SETD2: variants seen among roughly 807,000 people sequenced by gnomAD.
SETD2 encodes the protein SET domain containing 2, histone lysine methyltransferase, also known as histone-lysine N-methyltransferase SETD2.
A neutral mutation model predicts 242.1 loss-of-function variants in SETD2; 31 were observed. The ratio of observed to expected loss-of-function variants is 0.13; its 90% CI spans 0.10 to 0.17. SETD2 has a LOEUF of 0.17. SETD2 is among the 10% of genes least tolerant of loss of function. The pLI, the probability that SETD2 is intolerant of heterozygous loss-of-function variation, is 1.00. For missense variants in SETD2, 2,481 were observed against 3,046.3 expected (o/e 0.81, Z 4.37); for synonymous variants, 1,006 against 1,066.5 (o/e 0.94, Z 1.11).
chr3:47,024,088 C>A (rs530849905), intron 18 of SETD2, among the ~76,000 whole-genome samples: 1 of 152,270 alleles, frequency 6.6e-6, no homozygotes, highest in African/African-American at 2.4e-5. Context: ...GCCTATAATC[C>A]CAGCACTTTG....
intron 13 of SETD2, 113 bp from the exon 14 acceptor site, chr3:47,062,459 T>C: frequency 4.2e-6 from 4 of 963,772 alleles, no homozygotes; most frequent in South Asian, 1.7e-5. Flanking sequence ...CCAACAAATG[T>C]ATCTATGGAC....
intron 1 of SETD2, among the ~76,000 whole-genome samples, chr3:47,153,210 CAAAGT>C (rs1325172238): frequency 6.6e-6 from 1 of 151,426 alleles, no homozygotes; most frequent in South Asian, 2.1e-4. Context: ...CCAAATTAAA[CAAAGT>C]AAATTTACAC....
intron 7 of SETD2, among the ~76,000 whole-genome samples, chr3:47,102,669 G>A (rs1442662368): frequency 6.6e-5 from 10 of 150,416 alleles, no homozygotes; most frequent in Admixed American, 4.7e-4. Context: ...TGGCACGCAC[G>A]TGTAATCCCA....
rs575862721 is a variant in SETD2 at position 47,122,803 on chromosome 3, C to A, written c.1833G>T (p.Lys611Asn). 7.2e-5 allele frequency: 116 copies of A among 1,613,124 alleles called. No individual in the cohort carries two copies. The highest frequency in any genetic ancestry group is 9.2e-5 in the Non-Finnish European group (109 of 1,179,780). ...GATTTGATGGAGCTGGAGACCCAGC[C>A]TTTTCTCTTTCAGGATTTTTATTAA... ...RMINKNPEREKAGSPAPSNRL... is the reference protein window; with the variant it reads ...RMINKNPERENAGSPAPSNRL... The change falls in exon 3 of 21, where the codon AAG (lysine) becomes AAT (asparagine). Residue 611 changes from lysine to asparagine, a missense_variant. Lys to Asn is a moderately conservative substitution (Grantham distance 94). Around this residue, in one of 17 missense-constraint regions of SETD2, gnomAD observed 1,300 missense variants for 1,259.2 expected, o/e 1.03. Transcript: ENST00000409792.
chr3:47,071,796 C>G (rs1485404851), intron 12 of SETD2, among the ~76,000 whole-genome samples: 1 of 152,070 alleles, frequency 6.6e-6, no homozygotes, highest in East Asian at 1.9e-4. Context: ...ACTACCAGGT[C>G]ACATGGCTTA....
At chr3:47,111,543 G>A (rs965561309) in intron 5 of SETD2, among the ~76,000 whole-genome samples, 3 of 152,002 alleles carry the variant, frequency 2.0e-5, no homozygotes, top group Admixed American at 6.6e-5. Flanking sequence ...ATACTCCAGC[G>A]AGGGTGACAG....
intron 1 of SETD2, among the ~76,000 whole-genome samples, chr3:47,159,412 G>A (rs1697413134): frequency 6.6e-6 from 1 of 152,050 alleles, no homozygotes; most frequent in Non-Finnish European, 1.5e-5. Flanking sequence ...CAGAAACCCT[G>A]GAATCATCCT....
intron 15 of SETD2, among the ~76,000 whole-genome samples, chr3:47,054,787 T>C (rs1575696443): frequency 6.6e-6 from 1 of 152,310 alleles, no homozygotes; most frequent in African/African-American, 2.4e-5. Flanking sequence ...AAATAACTTT[T>C]CATTTAAATG....
rs577830478 is a variant in SETD2 at position 47,067,543 on chromosome 3, T to C, written c.6061-425A>G. 5.3e-5 allele frequency among the ~76,000 whole-genome samples: 8 copies of C among 151,242 alleles called. No homozygotes were observed. The Admixed American group carries it at 5.3e-4, about 10-fold the overall frequency. On this transcript the variant is annotated intron_variant, in intron 12 of 20. Transcript: ENST00000409792. Reference sequence around the variant, plus strand: ...AATCCTTCTGCCCCAGCCTCCCAAGTAGCTGGGACCACAGGTGGATGCCAC... The same window carrying C: ...AATCCTTCTGCCCCAGCCTCCCAAGCAGCTGGGACCACAGGTGGATGCCAC...
chr3:47,037,460 CT>C (rs1352017727), intron 18 of SETD2, among the ~76,000 whole-genome samples: 1 of 151,894 alleles, frequency 6.6e-6, no homozygotes, highest in Non-Finnish European at 1.5e-5. Flanking sequence ...AGGACATGAA[CT>C]CATCATTTTT....
At chr3:47,074,093 A>T (rs2040946508) in intron 12 of SETD2, among the ~76,000 whole-genome samples, 1 of 152,256 alleles carries the variant, frequency 6.6e-6, no homozygotes, top group Non-Finnish European at 1.5e-5. Flanking sequence ...TATGAGAATG[A>T]TTAAATAAAT....
At chr3:47,156,398 A>T (rs1383848323) in intron 1 of SETD2, among the ~76,000 whole-genome samples, 1 of 152,214 alleles carries the variant, frequency 6.6e-6, no homozygotes, top group East Asian at 1.9e-4. Flanking sequence ...TTGTATGTAT[A>T]AAATACGGCT....
intron 16 of SETD2, among the ~76,000 whole-genome samples, chr3:47,044,019 C>T (rs1209588327): frequency 6.6e-6 from 1 of 152,020 alleles, no homozygotes; most frequent in Non-Finnish European, 1.5e-5. Context: ...TTTAAGAATA[C>T]AAATGGAAAC....
At chr3:47,023,308 G>A (rs1380601371) in intron 18 of SETD2, among the ~76,000 whole-genome samples, 2 of 152,272 alleles carry the variant, frequency 1.3e-5, no homozygotes, top group African/African-American at 4.8e-5. Flanking sequence ...GCTGAGGCAG[G>A]AGAACTGCTT....
In SETD2 at chr3:47,122,631, T is replaced by C. The variant is rs2043146380; in HGVS notation, c.2005A>G (p.Ile669Val). 1.2e-6 allele frequency: 2 copies of C among 1,613,772 alleles called. No individual in the cohort carries two copies. Among genetic ancestry groups the C allele is most frequent in the Non-Finnish European group, 1.7e-6 (2 of 1,179,840 alleles). ...KNDQLRSFCP[I>V]ELNINGSPGA... is the part of the protein sequence containing the mutation. ...GGAGATCCATTTATATTTAATTCTA[T>C]GGGACAAAAACTTCTTAATTGATCA... Residue 669 changes from isoleucine to valine, a missense_variant, in exon 3 of 21, where the codon ATA (isoleucine) becomes GTA (valine). Around this residue, in one of 17 missense-constraint regions of SETD2, gnomAD observed 1,300 missense variants for 1,259.2 expected, o/e 1.03. Transcript: ENST00000409792.
At chr3:47,059,003 G>A (rs775148540) in intron 14 of SETD2, among the ~76,000 whole-genome samples, 17 of 151,344 alleles carry the variant, frequency 1.1e-4, no homozygotes, top group Non-Finnish European at 1.5e-5. Flanking sequence ...TAGAGACAGG[G>A]TTTCACAGTG....
rs766309787 is a variant in SETD2, at chr3:47,121,393, T to C, written c.3243A>G (p.Glu1081=). The part of the protein sequence containing the change: ...VVPKNSTLPM[E]ETSPCSSRSS... The stretch of plus-strand genomic sequence containing the variant: ...TCCGAGAAGAACAAGGACTTGTTTC[T>C]TCCATGGGCAAAGTAGAATTCTTTG... Residue 1081 remains glutamate (E), a synonymous_variant, in exon 3 of 21, where the codon GAA becomes GAG. Transcript: ENST00000409792. The C allele has an allele frequency of 1.9e-6, 3 of 1,610,180 alleles. No homozygotes were observed. The highest frequency in any genetic ancestry group is 2.5e-6 in the Non-Finnish European group (3 of 1,180,020).
Position 47,120,764 on chromosome 3 carries a change from T to C in SETD2, c.3872A>G (p.Glu1291Gly). 1 of 1,614,200 alleles carries C rather than the reference T, an allele frequency of 6.2e-7. No homozygotes were observed. Among genetic ancestry groups the C allele is most frequent in the South Asian group, 1.1e-5 (1 of 91,082 alleles). Residue 1291 changes from glutamate (E) to glycine (G), a missense_variant, in exon 3 of 21, where the codon GAA (glutamate) becomes GGA (glycine). Transcript: ENST00000409792. ...GTAATCACGTGTCCCACCATACTGTTCTGCATTTTGCTGATACTTGTGTCC... is the reference window on the plus strand; with the variant it reads ...GTAATCACGTGTCCCACCATACTGTCCTGCATTTTGCTGATACTTGTGTCC... ...CGGHKYQQNA[E>G]QYGGTRDYWQ... is the part of the protein sequence containing the mutation.
At chr3:47,024,694 C>CA (rs1301624084) in intron 18 of SETD2, among the ~76,000 whole-genome samples, 1 of 152,196 alleles carries the variant, frequency 6.6e-6, no homozygotes, top group Non-Finnish European at 1.5e-5. Context: ...GCAACTCCCT[C>CA]AATGCAACAA....
Sources: gnomAD v4.1 joint callset for allele counts (sites outside exome capture counted in the v4.1 genomes callset) on GRCh38, gnomAD v4.1.1 for gene constraint, gnomAD v4.1.1 regional missense constraint, MANE v1.5 for transcripts, NCBI Gene and HGNC (gene_info 2026-07-23, HGNC 2026-07-21) for gene names.